Variants in SMAD1 observed in about 807,000 individuals in gnomAD.
SMAD1 encodes the protein SMAD family member 1, also known as MAD, mothers against decapentaplegic homolog 1.
SMAD1 carries 6 observed loss-of-function variants against 41.6 expected under a neutral mutation model. The observed-to-expected ratio is 0.14, with a 90% CI of 0.08 to 0.28. SMAD1 has a LOEUF of 0.28. SMAD1 is among the 10% of genes least tolerant of loss of function. The pLI is 1.00. For missense variants in SMAD1, 379 were observed against 582.6 expected (o/e 0.65, Z 3.60); for synonymous variants, 206 against 203.2 (o/e 1.01, Z -0.12).
chr4:145,498,393 C>T (rs981258997), intron 1 of SMAD1, among the ~76,000 whole-genome samples: 2 of 152,234 alleles, frequency 1.3e-5, no homozygotes, highest in Admixed American at 1.3e-4. Context: ...GATACACTTT[C>T]AATTATTTTT....
intron 1 of SMAD1, among the ~76,000 whole-genome samples, chr4:145,512,032 G>A (rs1006777574): frequency 5.9e-5 from 9 of 152,154 alleles, no homozygotes; most frequent in African/African-American, 2.2e-4. Context: ...TCCTCTAAAT[G>A]TAGAATTTTA....
intron 1 of SMAD1, among the ~76,000 whole-genome samples, chr4:145,493,292 T>G (rs1454839021): frequency 6.6e-6 from 1 of 152,204 alleles, no homozygotes; most frequent in African/African-American, 2.4e-5. Context: ...AAGAGAGTAA[T>G]GATACAGTGG....
At chr4:145,498,242 T>C (rs1444646135) in intron 1 of SMAD1, among the ~76,000 whole-genome samples, 4 of 152,240 alleles carry the variant, frequency 2.6e-5, no homozygotes, top group Admixed American at 2.0e-4. Flanking sequence ...TGCTATAATA[T>C]GCCATTTTTT....
At chr4:145,553,467 A>C (rs778929637) in intron 5 of SMAD1, among the ~76,000 whole-genome samples, 1 of 152,112 alleles carries the variant, frequency 6.6e-6, no homozygotes, top group African/African-American at 2.4e-5. Context: ...GATCCCTCCC[A>C]TGCACAGTTC....
At chr4:145,550,946 A>T (rs1732525317) in intron 5 of SMAD1, among the ~76,000 whole-genome samples, 1 of 152,222 alleles carries the variant, frequency 6.6e-6, no homozygotes, top group East Asian at 1.9e-4. Context: ...TTTTAAGCAT[A>T]TTAATTCCAT....
At chr4:145,537,514 G>A (rs1731679373) in intron 2 of SMAD1, among the ~76,000 whole-genome samples, 2 of 152,112 alleles carry the variant, frequency 1.3e-5, no homozygotes. Context: ...ATTTTTTAAA[G>A]TTCATAGAAG....
chr4:145,491,496 G>A (rs563481990), intron 1 of SMAD1, among the ~76,000 whole-genome samples: 9 of 152,188 alleles, frequency 5.9e-5, no homozygotes, highest in Non-Finnish European at 1.2e-4. Flanking sequence ...TCCTGGATCA[G>A]ACTTGATTGA....
In SMAD1 at chr4:145,558,090, AAAAAC is replaced by A. The variant is rs937349526; in HGVS notation, c.*158_*162del. On this transcript the variant is annotated 3_prime_UTR_variant, in exon 7 of 7. Coordinates refer to ENST00000302085, the MANE Select transcript of SMAD1 (RefSeq NM_005900.3). ...TTCAGAAATTTAAACAAAAAAAAAAAAAAACACACACACCTTGGTAACATACTGTT... is the reference window on the plus strand; with the variant it reads ...TTCAGAAATTTAAACAAAAAAAAAAAACACACACCTTGGTAACATACTGTT... 4.8e-6 allele frequency: 2 copies of A among 412,502 alleles called. No homozygotes were observed. Among genetic ancestry groups the A allele is most frequent in the African/African-American group, 2.0e-5 (1 of 49,714 alleles). 25.6% of individuals were successfully genotyped at this position (412,502 alleles called of 1,614,324 possible).
At chr4:145,485,536 T>G (rs73852321) in intron 1 of SMAD1, among the ~76,000 whole-genome samples, 18,791 of 152,224 alleles carry the variant, frequency 0.12, 3,530 homozygotes, top group African/African-American at 0.41. Context: ...CTGCTAGCCA[T>G]TGCTGCCCCA....
intron 1 of SMAD1, among the ~76,000 whole-genome samples, chr4:145,486,088 AG>A (rs1728468479): frequency 6.6e-6 from 1 of 152,210 alleles, no homozygotes; most frequent in African/African-American, 2.4e-5. Context: ...TTACTATGCC[AG>A]TATAGACATG....
At chr4:145,546,127 G>A (rs1041910957) in intron 4 of SMAD1, 1 of 153,140 alleles carries the variant, frequency 6.5e-6, no homozygotes, top group Non-Finnish European at 1.5e-5. Flanking sequence ...TTTGAGAACT[G>A]GAGCAACACT....
At chr4:145,495,156 G>C (rs1237010655) in intron 1 of SMAD1, among the ~76,000 whole-genome samples, 1 of 152,178 alleles carries the variant, frequency 6.6e-6, no homozygotes, top group Non-Finnish European at 1.5e-5. Context: ...ATAGCTTCTA[G>C]TGGGTAGAGG....
chr4:145,497,673 T>G (rs750331504), intron 1 of SMAD1: 2 of 152,200 alleles, frequency 1.3e-5, no homozygotes, highest in Admixed American at 6.6e-5. Flanking sequence ...TAAATTACTT[T>G]AGGGAAGTTA....
At chr4:145,499,310 C>T (rs1159474809) in intron 1 of SMAD1, among the ~76,000 whole-genome samples, 6 of 152,148 alleles carry the variant, frequency 3.9e-5, no homozygotes, top group Non-Finnish European at 5.9e-5. Context: ...CTTTTTTGTG[C>T]ACAAAATTAT....
upstream of SMAD1, among the ~76,000 whole-genome samples, chr4:145,480,907 G>A (rs1230918533): frequency 7.1e-6 from 1 of 140,904 alleles, no homozygotes; most frequent in African/African-American, 2.8e-5. Flanking sequence ...GATATACATT[G>A]CTGGGAGTGA....
At chr4:145,501,990 A>G (rs902314468) in intron 1 of SMAD1, among the ~76,000 whole-genome samples, 1 of 152,218 alleles carries the variant, frequency 6.6e-6, no homozygotes, top group African/African-American at 2.4e-5. Flanking sequence ...CGAATCATTC[A>G]TAACTAGCCA....
intron 1 of SMAD1, among the ~76,000 whole-genome samples, chr4:145,512,417 CTTTA>C (rs1469126095): frequency 6.6e-6 from 1 of 152,098 alleles, no homozygotes; most frequent in African/African-American, 2.4e-5. Flanking sequence ...CTCCTTAGTT[CTTTA>C]TTTTTCATTT....
At chr4:145,499,684 G>T (rs1451432430) in intron 1 of SMAD1, among the ~76,000 whole-genome samples, 1 of 151,928 alleles carries the variant, frequency 6.6e-6, no homozygotes, top group Non-Finnish European at 1.5e-5. Context: ...TTTATGTTTA[G>T]ACTTGGGTCC....
chr4:145,540,868 G>T (rs911564374), intron 3 of SMAD1, among the ~76,000 whole-genome samples: 5 of 152,080 alleles, frequency 3.3e-5, no homozygotes, highest in African/African-American at 4.8e-5. Flanking sequence ...TTATTGGGCT[G>T]CTTGAAATGT....
Sources: allele counts gnomAD v4.1 joint callset (sites outside exome capture counted in the v4.1 genomes callset), GRCh38; gene constraint gnomAD v4.1.1; transcripts MANE v1.5; gene names NCBI Gene and HGNC (gene_info 2026-07-23, HGNC 2026-07-21).